SLC25A40: variants seen among roughly 807,000 people sequenced by gnomAD.
The protein encoded by SLC25A40 is mitochondrial glutathione transporter SLC25A40.
Under a neutral mutation model 46.5 loss-of-function variants are expected in SLC25A40, and 41 were observed. That is an observed-to-expected ratio of 0.88 (90% confidence interval 0.69 to 1.14). SLC25A40 has a LOEUF of 1.14. Among genes scored for constraint, SLC25A40 ranks in the 50% most tolerant of loss-of-function variants. The pLI is 0.00. For synonymous variants in SLC25A40, 126 were observed against 127.5 expected (o/e 0.99, Z 0.08); for missense variants, 386 against 393.6 (o/e 0.98, Z 0.16).
chr7:87,849,451 G>A (rs1020339849), intron 6 of SLC25A40, among the ~76,000 whole-genome samples: 1 of 152,144 alleles, frequency 6.6e-6, no homozygotes, highest in Admixed American at 6.5e-5. Flanking sequence ...CTAAAAGACA[G>A]AATGTATCCA....
At chr7:87,860,259 T>C (rs905408411) in intron 2 of SLC25A40, 2 of 152,130 alleles carry the variant, frequency 1.3e-5, no homozygotes, top group Non-Finnish European at 2.9e-5. Context: ...TCCAGAAAGC[T>C]TGGATCAATC....
chr7:87,863,727 G>A (rs927499648), intron 1 of SLC25A40, among the ~76,000 whole-genome samples: 1 of 151,918 alleles, frequency 6.6e-6, no homozygotes, highest in Admixed American at 6.6e-5. Flanking sequence ...AGGAACATTC[G>A]AATTATCTTC....
chr7:87,833,853 A>G lies in SLC25A40; in HGVS notation c.*2396T>C, dbSNP rs1838224253. 6.6e-6 allele frequency: 1 copy of G among 151,678 alleles called. No individual in the cohort carries two copies. The highest frequency in any genetic ancestry group is 6.6e-5 in the Admixed American group (1 of 15,146). 9.4% of individuals were successfully genotyped at this position (151,678 alleles called of 1,614,324 possible). ...TCCACCCTTTGATAGGCCCCAGTAC[A>G]TGTTGTTCCAAGAGGGAAAAATTTA... is the stretch of plus-strand genomic sequence containing the variant. On this transcript the variant is annotated 3_prime_UTR_variant, in exon 12 of 12. Transcript: ENST00000341119.
chr7:87,842,674 C>G (rs1485899234), intron 9 of SLC25A40, among the ~76,000 whole-genome samples: 1 of 151,976 alleles, frequency 6.6e-6, no homozygotes, highest in Non-Finnish European at 1.5e-5. Context: ...GTGGTTTAGG[C>G]TGTTCTGTTT....
chr7:87,842,962 G>A (rs993283587), intron 9 of SLC25A40, among the ~76,000 whole-genome samples: 1 of 151,924 alleles, frequency 6.6e-6, no homozygotes, highest in Non-Finnish European at 1.5e-5. Context: ...AAAGATCTTA[G>A]ACCTGGGAAT....
chr7:87,840,762 AGAG>A (rs988612603), intron 10 of SLC25A40, among the ~76,000 whole-genome samples: 6 of 151,826 alleles, frequency 4.0e-5, no homozygotes, highest in Admixed American at 2.6e-4. Flanking sequence ...TTCTAATATA[AGAG>A]GAGAATAGGT....
chr7:87,835,892 A>T lies in SLC25A40; in HGVS notation c.*357T>A, dbSNP rs1838252258. On this transcript the variant is annotated 3_prime_UTR_variant, in exon 12 of 12. Transcript: ENST00000341119. ...TTTTTTCTTCTAGACTATGTACATCATTCAGCACACAATTCAAAAAGTTCT... is the reference window on the plus strand; with the variant it reads ...TTTTTTCTTCTAGACTATGTACATCTTTCAGCACACAATTCAAAAAGTTCT... 1 of 179,210 alleles carries T rather than the reference A, an allele frequency of 5.6e-6. No individual in the cohort carries two copies. The highest frequency in any genetic ancestry group is 1.2e-5 in the Non-Finnish European group (1 of 86,524). 11.1% of individuals were successfully genotyped at this position (179,210 alleles called of 1,614,324 possible).
At chr7:87,842,967 G>C (rs1409482311) in intron 9 of SLC25A40, among the ~76,000 whole-genome samples, 1 of 151,952 alleles carries the variant, frequency 6.6e-6, no homozygotes, top group Non-Finnish European at 1.5e-5. Context: ...TCTTAGACCT[G>C]GGAATATTTA....
chr7:87,857,912 G>A (rs1272350422), intron 3 of SLC25A40, among the ~76,000 whole-genome samples: 9 of 152,178 alleles, frequency 5.9e-5, no homozygotes, highest in Admixed American at 4.6e-4. Flanking sequence ...GGACATGCAA[G>A]TAGGGAAGAT....
intron 9 of SLC25A40, 139 bp downstream of exon 9, chr7:87,843,615 A>G: frequency 5.3e-6 from 3 of 570,854 alleles, no homozygotes; most frequent in Middle Eastern, 4.3e-4. Flanking sequence ...GTTTCCTTAA[A>G]ATAGATGGAA....
intron 1 of SLC25A40, among the ~76,000 whole-genome samples, chr7:87,872,337 A>C (rs947107877): frequency 3.3e-5 from 5 of 152,236 alleles, no homozygotes; most frequent in African/African-American, 1.2e-4. Flanking sequence ...CTAAGCTAAA[A>C]ACAAAAGAGC....
At chr7:87,853,624 A>G (rs2131008013) in intron 5 of SLC25A40, among the ~76,000 whole-genome samples, 1 of 152,352 alleles carries the variant, frequency 6.6e-6, no homozygotes, top group African/African-American at 2.4e-5. Flanking sequence ...TGATTGACAC[A>G]TGCAACAACC....
chr7:87,842,329 A>AT (rs1210528234), intron 9 of SLC25A40: 1 of 152,628 alleles, frequency 6.6e-6, no homozygotes, highest in Non-Finnish European at 1.5e-5. Flanking sequence ...AATAATTTAC[A>AT]TTTTTTCCAC....
chr7:87,839,904 T>G (rs557648425), intron 10 of SLC25A40, among the ~76,000 whole-genome samples: 1 of 151,726 alleles, frequency 6.6e-6, no homozygotes, highest in Non-Finnish European at 1.5e-5. Flanking sequence ...GAGAAGGGAT[T>G]TGGTATAGCT....
chr7:87,843,861 T>C lies in SLC25A40; in HGVS notation c.634A>G (p.Met212Val). Residue 212 changes from methionine (M) to valine (V), a missense_variant and splice_region_variant, in exon 9 of 12, where the codon ATG (methionine) becomes GTG (valine). Met to Val is a conservative substitution (Grantham distance 21). Coordinates refer to ENST00000341119, the MANE Select transcript of SLC25A40 (RefSeq NM_018843.4). ...AAAATTTCATAGTTATACCAGTACA[T>C]TGCTATAAAAACAGAGAATGAAATG... ...TVLRDVPFSA[M>V]YWYNYEILKK... 6.3e-7 allele frequency: 1 copy of C among 1,577,420 alleles called. No homozygotes were observed. Among genetic ancestry groups the C allele is most frequent in the South Asian group, 1.1e-5 (1 of 88,982 alleles).
chr7:87,865,202 G>A (rs575677508), intron 1 of SLC25A40, among the ~76,000 whole-genome samples: 3 of 151,730 alleles, frequency 2.0e-5, no homozygotes, highest in South Asian at 4.1e-4. Context: ...TGGTTGGCAT[G>A]AATTTTAAAA....
At chr7:87,841,340 ACAT>A (rs954148929) in intron 10 of SLC25A40, among the ~76,000 whole-genome samples, 3 of 151,754 alleles carry the variant, frequency 2.0e-5, no homozygotes, top group Admixed American at 2.0e-4. Flanking sequence ...TTAGGAAAAA[ACAT>A]CATAAAACAA....
intron 3 of SLC25A40, among the ~76,000 whole-genome samples, chr7:87,858,081 C>G (rs1018224270): frequency 2.0e-5 from 3 of 152,212 alleles, no homozygotes; most frequent in African/African-American, 7.2e-5. Flanking sequence ...GCAGTACCCT[C>G]AGGCTTACTA....
At chr7:87,872,256 G>A (rs1838906919) in intron 1 of SLC25A40, among the ~76,000 whole-genome samples, 1 of 152,132 alleles carries the variant, frequency 6.6e-6, no homozygotes, top group Non-Finnish European at 1.5e-5. Context: ...TTGAGATGCA[G>A]CTAAAGCAGC....
Sources: allele counts gnomAD v4.1 joint callset (sites outside exome capture counted in the v4.1 genomes callset), GRCh38; gene constraint gnomAD v4.1.1; transcripts MANE v1.5; gene names NCBI Gene and HGNC (gene_info 2026-07-23, HGNC 2026-07-21).